MTIF3: variants seen among roughly 807,000 people sequenced by gnomAD.
The protein encoded by MTIF3 is mitochondrial translational initiation factor 3.
Under a neutral mutation model 20.7 loss-of-function variants are expected in MTIF3, and 13 were observed. That is an observed-to-expected ratio of 0.63 (90% CI 0.41 to 1.00). The LOEUF (loss-of-function observed/expected upper bound fraction) is 1.00. MTIF3 is among the 50% of genes least tolerant of loss of function. The pLI is 0.00. For missense variants in MTIF3, 295 were observed against 324.5 expected, an observed-to-expected ratio of 0.91 and a Z score of 0.70; for synonymous variants, 114 against 112.5, an observed-to-expected ratio of 1.01 and a Z score of -0.08.
chr13:27,447,910 C>CT (rs11369862), intron 1 of MTIF3, among the ~76,000 whole-genome samples: 144,325 of 152,246 alleles, frequency 0.95, 68,492 homozygotes, highest in Admixed American at 0.97. Flanking sequence ...ATCTAGTTTT[C>CT]GTTAATGAAC....
chr13:27,442,899 GA>G (rs1368280989), intron 2 of MTIF3, among the ~76,000 whole-genome samples: 1 of 152,228 alleles, frequency 6.6e-6, no homozygotes, highest in African/African-American at 2.4e-5. Flanking sequence ...TCACTGGAAT[GA>G]AAGCTTCATG....
chr13:27,437,610 C>T (rs185621951), intron 3 of MTIF3, among the ~76,000 whole-genome samples: 2 of 152,298 alleles, frequency 1.3e-5, no homozygotes, highest in Non-Finnish European at 1.5e-5. Context: ...GGGTTGGCAT[C>T]TGGGAGTGCA....
At chr13:27,443,280 G>A (rs1954062786) in intron 2 of MTIF3, among the ~76,000 whole-genome samples, 1 of 152,176 alleles carries the variant, frequency 6.6e-6, no homozygotes. Flanking sequence ...CTGACATACT[G>A]TTTAATAAAA....
chr13:27,450,323 G>A (rs1212867623), intron 1 of MTIF3, 186 bp downstream of exon 1: 1 of 150,640 alleles, frequency 6.6e-6, no homozygotes, highest in Non-Finnish European at 1.5e-5. Flanking sequence ...CGCTGAAAAT[G>A]GCTTTACAGC....
intron 1 of MTIF3, among the ~76,000 whole-genome samples, chr13:27,449,522 G>A (rs1954288831): frequency 6.6e-6 from 1 of 152,170 alleles, no homozygotes; most frequent in Non-Finnish European, 1.5e-5. Context: ...TCTCGTCCTT[G>A]GTTTAGGAAA....
In MTIF3 at chr13:27,440,218, G is replaced by A. The variant is rs149627575; in HGVS notation, c.231C>T (p.Asn77=). The change falls in exon 3 of 5, where the codon AAC becomes AAT. Residue 77 remains asparagine, a synonymous_variant. Transcript: ENST00000381120. ...CTCGCTGACTAATTTTTCTTCCAAC[G>A]TTACTAAAAGCTGTTTTATTCTTTT... ...KTKKNKTAFS[N]VGRKISQRVI... 10 of 1,613,982 alleles carry A rather than the reference G, an allele frequency of 6.2e-6. No individual in the cohort carries two copies. Among genetic ancestry groups the A allele is most frequent in the South Asian group, 4.4e-5 (4 of 91,084 alleles).
Position 27,435,746 on chromosome 13 carries a change from C to T in MTIF3, c.766G>A (p.Glu256Lys). 1.9e-6 allele frequency: 3 copies of T among 1,614,120 alleles called. No homozygotes were observed. The highest frequency in any genetic ancestry group is 2.5e-6 in the Non-Finnish European group (3 of 1,179,986). The part of the protein sequence containing the change: ...NEEKAYKETQ[E>K]TQERDTLNKD... ...TTCAAAGTGTCTCTTTCCTGGGTCT[C>T]TTGAGTTTCTTTATATGCCTTCTCC... Residue 256 changes from glutamate (E) to lysine (K), a missense_variant, in exon 5 of 5, where the codon GAG (glutamate) becomes AAG (lysine). Transcript: ENST00000381120.
At chr13:27,437,349 A>AT in intron 3 of MTIF3, 76 bp from the exon 4 acceptor site, 1 of 1,362,950 alleles carries the variant, frequency 7.3e-7, no homozygotes, top group Non-Finnish European at 1.0e-6. Flanking sequence ...CATGCCCATC[A>AT]TAAAATCCTA....
chr13:27,436,625 G>A (rs901412610), intron 4 of MTIF3, among the ~76,000 whole-genome samples: 9 of 151,924 alleles, frequency 5.9e-5, no homozygotes, highest in Non-Finnish European at 1.0e-4. Context: ...GGCAAAATAC[G>A]CTGTAATGGA....
In MTIF3 at chr13:27,440,337, A is replaced by G. The variant is rs1479094937; in HGVS notation, c.112T>C (p.Ser38Pro). The G allele has an allele frequency of 3.7e-6, 6 of 1,614,164 alleles. No homozygotes were observed. Among genetic ancestry groups the G allele is most frequent in the East Asian group, 2.2e-5 (1 of 44,886 alleles). Residue 38 changes from serine (S) to proline (P), a missense_variant, in exon 3 of 5, where the codon TCC becomes CCC. By Grantham distance (74) the Ser-to-Pro change is moderately conservative. Coordinates refer to ENST00000381120, the MANE Select transcript of MTIF3 (RefSeq NM_152912.5). ...ILQKTAPAQL[S>P]PIASAPRLSF... ...AGTCTTGGGGCAGAAGCAATAGGGG[A>G]CAACTGTGCTGGTGCTGTCTTTTGC...
chr13:27,447,961 C>T (rs984355136), intron 1 of MTIF3, among the ~76,000 whole-genome samples: 4 of 151,890 alleles, frequency 2.6e-5, no homozygotes, highest in African/African-American at 7.3e-5. Flanking sequence ...ATTTTTGGCT[C>T]TTATGAATAG....
chr13:27,443,155 A>G lies in MTIF3; in HGVS notation c.-2+1933T>C, dbSNP rs115799409. Among the ~76,000 whole-genome samples, 1,424 of 152,354 alleles carry G rather than the reference A, an allele frequency of 9.3e-3. 24 individuals carry two copies. Among genetic ancestry groups the G allele is most frequent in the African/African-American group, 0.032 (1,332 of 41,586 alleles). ...TCAGTAATGGTGAGTATCTGTGGCC[A>G]GATGCTCCATCCACAGTGTATGACA... On this transcript the variant is annotated intron_variant, in intron 2 of 4. Transcript: ENST00000381120.
At chr13:27,436,601 T>G (rs886134647) in intron 4 of MTIF3, among the ~76,000 whole-genome samples, 2 of 152,156 alleles carry the variant, frequency 1.3e-5, no homozygotes, top group African/African-American at 4.8e-5. Flanking sequence ...TTTTAAGGAA[T>G]AATGTGTTCA....
intron 4 of MTIF3, among the ~76,000 whole-genome samples, chr13:27,436,745 A>ATTTTTTT (rs66903644): frequency 4.7e-4 from 42 of 90,200 alleles, no homozygotes; most frequent in South Asian, 8.8e-4. Context: ...ATTTTCTACA[A>ATTTTTTT]TTTTTTTTTT....
intron 1 of MTIF3, among the ~76,000 whole-genome samples, chr13:27,447,622 ACCAAAACT>A (rs1313550939): frequency 7.2e-5 from 11 of 152,232 alleles, no homozygotes; most frequent in Admixed American, 5.9e-4. Context: ...TACCTTTGTA[ACCAAAACT>A]CCTATCGACA....
intron 2 of MTIF3, among the ~76,000 whole-genome samples, chr13:27,443,633 A>T (rs2138145278): frequency 6.6e-6 from 1 of 152,362 alleles, no homozygotes; most frequent in Non-Finnish European, 1.5e-5. Flanking sequence ...AAGCTTTAAT[A>T]CTAACTCAGT....
At position 27,436,693 on chromosome 13, in the gene MTIF3, C is replaced by G. The variant is rs142464812; in HGVS notation, c.618+423G>C. ...GCAAACTAGAAAGCTGTTAACATCA[C>G]TGGGTGGAAGAATTACCAGTCACTT... On this transcript the variant is annotated intron_variant, in intron 4 of 4. Transcript: ENST00000381120. 3.4e-3 allele frequency among the ~76,000 whole-genome samples: 517 copies of G among 150,490 alleles called. 3 individuals carry two copies. Among genetic ancestry groups the G allele is most frequent in the Non-Finnish European group, 5.8e-3 (390 of 67,718 alleles).
intron 2 of MTIF3, among the ~76,000 whole-genome samples, chr13:27,444,046 G>A (rs1272736402): frequency 6.6e-6 from 1 of 152,198 alleles, no homozygotes; most frequent in Non-Finnish European, 1.5e-5. Flanking sequence ...GCTCACGCCT[G>A]TAACCCCAGC....
At chr13:27,443,642 G>C (rs1369710994) in intron 2 of MTIF3, among the ~76,000 whole-genome samples, 1 of 152,060 alleles carries the variant, frequency 6.6e-6, no homozygotes, top group Non-Finnish European at 1.5e-5. Flanking sequence ...TACTAACTCA[G>C]TACTGGCTAT....
Sources: gnomAD v4.1 joint callset for allele counts (sites outside exome capture counted in the v4.1 genomes callset) on GRCh38, gnomAD v4.1.1 for gene constraint, MANE v1.5 for transcripts, NCBI Gene and HGNC (gene_info 2026-07-23, HGNC 2026-07-21) for gene names.